Variants in AFF4 observed in about 807,000 individuals in gnomAD.
AFF4 encodes the protein AF4/FMR2 family member 4.
AFF4 carries 13 observed loss-of-function variants against 124.8 expected under a neutral mutation model. That is an observed-to-expected ratio of 0.10 (90% confidence interval 0.07 to 0.17). The LOEUF is 0.17. Among genes scored for constraint, AFF4 ranks in the 10% least tolerant of loss-of-function variants. The pLI, the probability that AFF4 is intolerant of heterozygous loss-of-function variation, is 1.00. For missense variants in AFF4, 1,092 were observed against 1,403.8 expected (o/e 0.78, Z 3.55); for synonymous variants, 477 against 496.1 (o/e 0.96, Z 0.51).
intron 14 of AFF4, among the ~76,000 whole-genome samples, chr5:132,888,792 G>A (rs949126331): frequency 6.6e-5 from 10 of 151,978 alleles, no homozygotes; most frequent in African/African-American, 2.4e-4. Context: ...CTGCCTCCCA[G>A]GTTCAAGCAG....
chr5:132,916,626 T>G (rs1025879458), intron 5 of AFF4, among the ~76,000 whole-genome samples: 1 of 152,148 alleles, frequency 6.6e-6, no homozygotes, highest in African/African-American at 2.4e-5. Flanking sequence ...GAAGACAGAT[T>G]TGAGGTTTCC....
Position 132,916,238 on chromosome 5 carries a change from C to CAAAA in AFF4, c.1050+10879_1050+10882dup, listed in dbSNP as rs70974061. Reference sequence around the variant, plus strand: ...TGGGTGACAGAGTAAGATGCTGTCTCAAAAAAAAAAAAAAAAAAAAAAAAA... The same window carrying CAAAA: ...TGGGTGACAGAGTAAGATGCTGTCTCAAAAAAAAAAAAAAAAAAAAAAAAAAAAA... On this transcript the variant is annotated intron_variant, in intron 5 of 20. Transcript: ENST00000265343. Among the ~76,000 whole-genome samples, 18 of 50,682 alleles carry CAAAA rather than the reference C, an allele frequency of 3.6e-4. 1 individual carries two copies. The highest frequency in any genetic ancestry group is 1.1e-3 in the African/African-American group (12 of 11,284). 33.2% of individuals were successfully genotyped at this position (50,682 alleles called of 152,430 possible).
At chr5:132,918,141 C>T in intron 5 of AFF4, among the ~76,000 whole-genome samples, 1 of 151,992 alleles carries the variant, frequency 6.6e-6, no homozygotes, top group East Asian at 1.9e-4. Flanking sequence ...GCCTGTAATC[C>T]CAGCACTTTG....
intron 4 of AFF4, among the ~76,000 whole-genome samples, chr5:132,928,764 C>T (rs1761236883): frequency 6.6e-6 from 1 of 152,114 alleles, no homozygotes; most frequent in Admixed American, 6.6e-5. Context: ...AGTCTACGTC[C>T]TAGTTAATGT....
chr5:132,896,025 T>C (rs1450941391), intron 11 of AFF4, among the ~76,000 whole-genome samples: 1 of 152,226 alleles, frequency 6.6e-6, no homozygotes, highest in African/African-American at 2.4e-5. Flanking sequence ...TTGAGAATGT[T>C]GCAAATGCCA....
chr5:132,900,905 T>C (rs972948058), intron 7 of AFF4: 26 of 984,562 alleles, frequency 2.6e-5, no homozygotes, highest in Non-Finnish European at 3.1e-5. Flanking sequence ...CTCCAATCAG[T>C]GAGAAGGAAA....
At position 132,880,469 on chromosome 5, in the gene AFF4, A is replaced by ACT; in HGVS notation, c.*589_*590insAG. The ACT allele has an allele frequency of 2.5e-6, 1 of 397,490 alleles. No homozygotes were observed. 24.6% of individuals were successfully genotyped at this position (397,490 alleles called of 1,614,324 possible). A position where few individuals can be genotyped will look rare whatever the true frequency, so the allele number is the denominator to read the frequency against. On this transcript the variant is annotated 3_prime_UTR_variant, in exon 21 of 21. Transcript: ENST00000265343. ...GTGATTTTTTCATGTGTAGAAGAAT[A>ACT]TCCTTAATACTAACTGTAAATTCCA...
In AFF4 at chr5:132,949,426, C is replaced by G. The variant is rs142039211; in HGVS notation, c.-4-12233G>C. Among the ~76,000 whole-genome samples, 14 of 152,184 alleles carry G rather than the reference C, an allele frequency of 9.2e-5. No homozygotes were observed. In the East Asian group the frequency reaches 2.7e-3, roughly 29 times the overall value. ...GCCCAGTGGCTCATACCTGCAATCC[C>G]CGCACTTTGGGAGGCCAAGGTGGAA... is the stretch of plus-strand genomic sequence containing the variant. On this transcript the variant is annotated intron_variant, in intron 1 of 20. Transcript: ENST00000265343.
chr5:132,888,833 G>A (rs1760183603), intron 14 of AFF4, among the ~76,000 whole-genome samples: 1 of 151,946 alleles, frequency 6.6e-6, no homozygotes, highest in South Asian at 2.1e-4. Flanking sequence ...GAATAGCTGC[G>A]ATTACAGGTG....
chr5:132,888,235 C>T (rs1441708698), intron 14 of AFF4, 75 bp from the exon 15 acceptor site: 19 of 1,136,716 alleles, frequency 1.7e-5, no homozygotes, highest in Non-Finnish European at 2.0e-5. Context: ...TATCTAGTAT[C>T]CCTCAGTTTT....
intron 5 of AFF4, among the ~76,000 whole-genome samples, chr5:132,916,594 A>T (rs2150085747): frequency 6.6e-6 from 1 of 152,274 alleles, no homozygotes; most frequent in African/African-American, 2.4e-5. Flanking sequence ...AATCCTTAAA[A>T]GCCATGGTCT....
At position 132,881,911 on chromosome 5, in the gene AFF4, T is replaced by C. The variant is rs113959790; in HGVS notation, c.3365-725A>G. Among the ~76,000 whole-genome samples the C allele has an allele frequency of 6.5e-3, 988 of 150,940 alleles. 8 individuals are homozygous for C. Among genetic ancestry groups the C allele is most frequent in the African/African-American group, 0.023 (940 of 41,146 alleles). On this transcript the variant is annotated intron_variant, in intron 20 of 20. Coordinates refer to ENST00000265343, the MANE Select transcript of AFF4 (RefSeq NM_014423.4). ...GAACTCCTGACCTTGGGTGATCCAC[T>C]CGCCTTGGCTTCCCGAAGTGCTGAG... is the stretch of plus-strand genomic sequence containing the variant.
At chr5:132,903,275 G>A (rs1311512430) in intron 6 of AFF4, among the ~76,000 whole-genome samples, 1 of 152,144 alleles carries the variant, frequency 6.6e-6, no homozygotes, top group African/African-American at 2.4e-5. Context: ...CTTTAAGGTG[G>A]AACTAAGAAA....
chr5:132,937,341 G>A, intron 1 of AFF4, 148 bp from the exon 2 acceptor site: 1 of 965,236 alleles, frequency 1.0e-6, no homozygotes, highest in South Asian at 2.1e-5. Context: ...CTGGGTTTTG[G>A]TAATGGTTTT....
intron 1 of AFF4, among the ~76,000 whole-genome samples, chr5:132,957,948 T>C (rs1761998845): frequency 6.6e-6 from 1 of 152,018 alleles, no homozygotes; most frequent in South Asian, 2.1e-4. Context: ...GAAAAAAGTA[T>C]CGATTACCTA....
intron 5 of AFF4, among the ~76,000 whole-genome samples, chr5:132,912,023 A>G (rs1252975317): frequency 6.6e-6 from 1 of 151,982 alleles, no homozygotes; most frequent in African/African-American, 2.4e-5. Context: ...ATTTTTTCAA[A>G]GTACTAAAAG....
chr5:132,959,257 C>G (rs1328103082), intron 1 of AFF4, among the ~76,000 whole-genome samples: 2 of 151,858 alleles, frequency 1.3e-5, no homozygotes, highest in African/African-American at 4.8e-5. Context: ...TCCCAAGTAG[C>G]TGGGACTACA....
intron 5 of AFF4, among the ~76,000 whole-genome samples, chr5:132,917,307 A>G (rs931281621): frequency 1.3e-5 from 2 of 152,228 alleles, no homozygotes; most frequent in Non-Finnish European, 2.9e-5. Context: ...AATATTCAAC[A>G]AAATTCAAAA....
chr5:132,943,371 A>T, intron 1 of AFF4: 1 of 201,074 alleles, frequency 5.0e-6, no homozygotes, highest in South Asian at 1.1e-4. Flanking sequence ...GCTGTGGCCA[A>T]GTGCTAACAT....
Sources: gnomAD v4.1 joint callset for allele counts (sites outside exome capture counted in the v4.1 genomes callset) on GRCh38, gnomAD v4.1.1 for gene constraint, MANE v1.5 for transcripts, NCBI Gene and HGNC (gene_info 2026-07-23, HGNC 2026-07-21) for gene names.